Variants in MAML3 observed in about 807,000 individuals in gnomAD.
The protein encoded by MAML3 is mastermind-like protein 3.
In MAML3, 27 loss-of-function variants were observed where a neutral mutation model predicts 101.9. The observed-to-expected ratio is 0.27, with a 90% confidence interval of 0.20 to 0.37. The LOEUF (loss-of-function observed/expected upper bound fraction) is 0.37. Ranked by LOEUF, MAML3 falls within the 10% of genes least tolerant of loss-of-function variation. The pLI is 1.00. For missense variants in MAML3, 1,316 were observed against 1,444.9 expected (o/e 0.91, Z 1.45); for synonymous variants, 501 against 555.9 (o/e 0.90, Z 1.39).
At chr4:139,881,579 A>G (rs538468745) in intron 2 of MAML3, among the ~76,000 whole-genome samples, 10 of 152,352 alleles carry the variant, frequency 6.6e-5, no homozygotes, top group African/African-American at 2.2e-4. Flanking sequence ...AATTAGCTTT[A>G]TTTTGCCTCT....
At chr4:139,881,037 TAGA>T (rs1175486266) in intron 2 of MAML3, among the ~76,000 whole-genome samples, 1 of 152,128 alleles carries the variant, frequency 6.6e-6, no homozygotes, top group Non-Finnish European at 1.5e-5. Flanking sequence ...AATCCTGCAG[TAGA>T]AGAAGCCAAA....
intron 1 of MAML3, among the ~76,000 whole-genome samples, chr4:140,014,540 A>G (rs770842699): frequency 3.3e-5 from 5 of 152,242 alleles, no homozygotes; most frequent in Admixed American, 6.5e-5. Flanking sequence ...CCTCATGTAC[A>G]TGAGGTAAAT....
intron 1 of MAML3, among the ~76,000 whole-genome samples, chr4:140,059,280 A>G (rs1727404172): frequency 6.6e-6 from 1 of 152,222 alleles, no homozygotes; most frequent in Admixed American, 6.5e-5. Context: ...GGAGCATACC[A>G]GGTAAAATCA....
At chr4:139,837,459 C>T (rs968092421) in intron 2 of MAML3, among the ~76,000 whole-genome samples, 2 of 152,018 alleles carry the variant, frequency 1.3e-5, no homozygotes, top group South Asian at 4.2e-4. Flanking sequence ...GATCATGCCA[C>T]TGCACTCTAG....
chr4:139,723,704 T>C (rs957166882), intron 4 of MAML3, among the ~76,000 whole-genome samples: 1 of 152,178 alleles, frequency 6.6e-6, no homozygotes, highest in Non-Finnish European at 1.5e-5. Flanking sequence ...ATAATTCCCC[T>C]TTTCCCCCAC....
chr4:139,905,488 T>G (rs1732806683), intron 1 of MAML3, among the ~76,000 whole-genome samples: 1 of 6,686 alleles, frequency 1.5e-4, no homozygotes, highest in African/African-American at 2.1e-4. Context: ...CAAGACTCTG[T>G]CTCAAAAAAA....
intron 1 of MAML3, among the ~76,000 whole-genome samples, chr4:139,954,403 T>C (rs911995007): frequency 2.6e-5 from 4 of 152,226 alleles, no homozygotes; most frequent in Admixed American, 1.3e-4. Context: ...ATAGAAAACA[T>C]GTCTGTGTTT....
chr4:140,116,806 G>T (rs1421799559), intron 1 of MAML3, among the ~76,000 whole-genome samples: 1 of 152,214 alleles, frequency 6.6e-6, no homozygotes, highest in African/African-American at 2.4e-5. Flanking sequence ...ACTAGGGATT[G>T]TTATTGATGA....
chr4:140,132,020 G>A (rs1728802795), intron 1 of MAML3, among the ~76,000 whole-genome samples: 2 of 152,210 alleles, frequency 1.3e-5, no homozygotes, highest in Non-Finnish European at 2.9e-5. Context: ...GTGTGTATGT[G>A]CGGCAATTGG....
At chr4:140,122,636 C>CA (rs1728624469) in intron 1 of MAML3, among the ~76,000 whole-genome samples, 2 of 151,622 alleles carry the variant, frequency 1.3e-5, no homozygotes, top group African/African-American at 2.4e-5. Flanking sequence ...ACTAAAAATA[C>CA]AAAAAATTAG....
chr4:140,081,441 A>G (rs1727860805), intron 1 of MAML3, among the ~76,000 whole-genome samples: 1 of 152,222 alleles, frequency 6.6e-6, no homozygotes, highest in South Asian at 2.1e-4. Flanking sequence ...GCTTACTGAA[A>G]TAAAGCTTTT....
intron 2 of MAML3, among the ~76,000 whole-genome samples, chr4:139,832,321 A>C (rs114639624): frequency 0.033 from 4,945 of 149,344 alleles, 283 homozygotes; most frequent in African/African-American, 0.12. Context: ...GATGTTGCCT[A>C]GGCTGGTCTT....
intron 2 of MAML3, among the ~76,000 whole-genome samples, chr4:139,877,043 C>T (rs1025981974): frequency 6.6e-6 from 1 of 152,180 alleles, no homozygotes; most frequent in Non-Finnish European, 1.5e-5. Context: ...GTTTATAAAA[C>T]CTCCTGTAGG....
chr4:140,097,644 AG>A (rs397879246), intron 1 of MAML3, among the ~76,000 whole-genome samples: 1 of 151,866 alleles, frequency 6.6e-6, no homozygotes, highest in East Asian at 1.9e-4. Flanking sequence ...AAAAAAAAAA[AG>A]GTTAATTTTA....
intron 1 of MAML3, among the ~76,000 whole-genome samples, chr4:140,106,420 A>T (rs1007094009): frequency 3.3e-5 from 5 of 152,220 alleles, no homozygotes; most frequent in Non-Finnish European, 7.3e-5. Flanking sequence ...ATATGCTCCT[A>T]GTCTTAGAAG....
intron 1 of MAML3, among the ~76,000 whole-genome samples, chr4:140,044,890 T>G (rs1173003550): frequency 6.6e-6 from 1 of 152,106 alleles, no homozygotes; most frequent in African/African-American, 2.4e-5. Flanking sequence ...CCATGTAAGC[T>G]ACTTGAAATT....
At chr4:139,784,003 GCTCA>G (rs1274321535) in intron 2 of MAML3, among the ~76,000 whole-genome samples, 5 of 152,336 alleles carry the variant, frequency 3.3e-5, no homozygotes, top group Admixed American at 6.5e-5. Flanking sequence ...GGAGGAAATA[GCTCA>G]CTGACTGTGG....
At chr4:139,771,446 G>A (rs1425927199) in intron 2 of MAML3, among the ~76,000 whole-genome samples, 2 of 152,182 alleles carry the variant, frequency 1.3e-5, no homozygotes, top group African/African-American at 2.4e-5. Flanking sequence ...CCCTGGAAGC[G>A]GGATAAGATT....
chr4:140,088,788 A>G (rs1251817248), intron 1 of MAML3, among the ~76,000 whole-genome samples: 1 of 152,200 alleles, frequency 6.6e-6, no homozygotes, highest in Non-Finnish European at 1.5e-5. Context: ...AGAGTACTCA[A>G]AAGAACTAAT....
Sources: allele counts gnomAD v4.1 joint callset (sites outside exome capture counted in the v4.1 genomes callset), GRCh38; gene constraint gnomAD v4.1.1; transcripts MANE v1.5; gene names NCBI Gene and HGNC (gene_info 2026-07-23, HGNC 2026-07-21).